The following MACROD2 variants were observed in gnomAD, a reference collection of about 807,000 sequenced individuals.
MACROD2 encodes the protein ADP-ribose glycohydrolase MACROD2.
MACROD2 carries 36 observed loss-of-function variants against 70.4 expected under a neutral mutation model. That is an observed-to-expected ratio of 0.51 (90% CI 0.39 to 0.68). MACROD2 has a LOEUF of 0.68. Among genes scored for constraint, MACROD2 ranks in the 30% least tolerant of loss-of-function variants. The pLI is 0.00. For synonymous variants in MACROD2, 172 were observed against 178.8 expected (o/e 0.96, Z 0.30); for missense variants, 496 against 538.4 (o/e 0.92, Z 0.78).
chr20:15,434,117 C>T (rs1308801622), intron 7 of MACROD2, among the ~76,000 whole-genome samples: 1 of 151,960 alleles, frequency 6.6e-6, no homozygotes, highest in East Asian at 1.9e-4. Context: ...TAGACACTGG[C>T]TTAGGCAAAG....
intron 9 of MACROD2, among the ~76,000 whole-genome samples, chr20:15,883,546 A>G (rs890772831): frequency 6.6e-6 from 1 of 152,020 alleles, no homozygotes; most frequent in Non-Finnish European, 1.5e-5. Flanking sequence ...CCTTTCTAAA[A>G]CCTCAAATGA....
At chr20:14,078,285 A>G (rs578219559) in intron 2 of MACROD2, among the ~76,000 whole-genome samples, 9 of 152,282 alleles carry the variant, frequency 5.9e-5, no homozygotes, top group Middle Eastern at 3.4e-3. Flanking sequence ...TGTGTTTTCT[A>G]TGTCATCTCC....
At chr20:14,228,571 A>G (rs1601375627) in intron 3 of MACROD2, among the ~76,000 whole-genome samples, 1 of 152,180 alleles carries the variant, frequency 6.6e-6, no homozygotes, top group Admixed American at 6.5e-5. Flanking sequence ...ATGGCTATCA[A>G]TGAAGAATTG....
intron 8 of MACROD2, among the ~76,000 whole-genome samples, chr20:15,747,483 C>T (rs1490986490): frequency 6.6e-6 from 1 of 152,116 alleles, no homozygotes; most frequent in Non-Finnish European, 1.5e-5. Context: ...TGTTTAATGC[C>T]AAACTAAATT....
At chr20:15,121,594 C>G (rs1207691745) in intron 5 of MACROD2, among the ~76,000 whole-genome samples, 1 of 151,954 alleles carries the variant, frequency 6.6e-6, no homozygotes, top group Non-Finnish European at 1.5e-5. Context: ...AGTGTAGTCC[C>G]CTGGAGTCTA....
intron 5 of MACROD2, among the ~76,000 whole-genome samples, chr20:15,128,787 C>G (rs1320037594): frequency 6.6e-6 from 1 of 151,792 alleles, no homozygotes; most frequent in Admixed American, 6.6e-5. Flanking sequence ...CATGTGTAGT[C>G]CTTTAAACTG....
chr20:14,158,204 T>C (rs1338492100), intron 3 of MACROD2, among the ~76,000 whole-genome samples: 2 of 152,150 alleles, frequency 1.3e-5, no homozygotes, highest in Non-Finnish European at 2.9e-5. Context: ...TTTCATATAC[T>C]TGTTGGTCAT....
At chr20:14,831,853 G>T (rs941642861) in intron 5 of MACROD2, among the ~76,000 whole-genome samples, 3 of 144,064 alleles carry the variant, frequency 2.1e-5, no homozygotes, top group Admixed American at 7.1e-5. Context: ...CCGAGTTGTT[G>T]TGAGTTTGTC....
intron 3 of MACROD2, among the ~76,000 whole-genome samples, chr20:14,380,448 T>C (rs1364121698): frequency 1.3e-5 from 2 of 152,082 alleles, no homozygotes; most frequent in Admixed American, 1.3e-4. Context: ...TTCTTTTTTG[T>C]GTGTGCTTTT....
chr20:14,968,566 T>C (rs1184131393), intron 5 of MACROD2, among the ~76,000 whole-genome samples: 1 of 152,198 alleles, frequency 6.6e-6, no homozygotes. Context: ...GTGATTCTCC[T>C]GTTGGCTTGG....
chr20:14,408,978 C>G (rs1339938172), intron 3 of MACROD2, among the ~76,000 whole-genome samples: 1 of 152,056 alleles, frequency 6.6e-6, no homozygotes, highest in African/African-American at 2.4e-5. Flanking sequence ...ACATATAGAG[C>G]CTTCACTCCT....
chr20:15,020,559 G>T (rs922782836), intron 5 of MACROD2, among the ~76,000 whole-genome samples: 9 of 152,042 alleles, frequency 5.9e-5, no homozygotes, highest in African/African-American at 2.2e-4. Context: ...TAATAATAGA[G>T]ATATGTCCTG....
chr20:14,445,648 GA>G (rs952259819), intron 3 of MACROD2, among the ~76,000 whole-genome samples: 5 of 151,856 alleles, frequency 3.3e-5, no homozygotes, highest in African/African-American at 9.7e-5. Flanking sequence ...CATGGCTTGG[GA>G]AAAAAAGACT....
At chr20:15,580,834 T>C (rs1395275063) in intron 8 of MACROD2, among the ~76,000 whole-genome samples, 1 of 152,044 alleles carries the variant, frequency 6.6e-6, no homozygotes, top group Non-Finnish European at 1.5e-5. Context: ...TTTAGATGAT[T>C]TGGGGGATTA....
chr20:15,516,621 T>C (rs2047571411), intron 8 of MACROD2, among the ~76,000 whole-genome samples: 1 of 152,134 alleles, frequency 6.6e-6, no homozygotes, highest in Non-Finnish European at 1.5e-5. Flanking sequence ...GAGGGCAGCC[T>C]GAATGTTTTT....
chr20:14,993,851 C>G (rs1042049584), intron 5 of MACROD2, among the ~76,000 whole-genome samples: 3 of 152,100 alleles, frequency 2.0e-5, no homozygotes, highest in East Asian at 3.8e-4. Flanking sequence ...TATAATCAAT[C>G]TTTATGAAAT....
chr20:15,320,437 A>G (rs2077862348), intron 6 of MACROD2, among the ~76,000 whole-genome samples: 1 of 152,190 alleles, frequency 6.6e-6, no homozygotes, highest in South Asian at 2.1e-4. Context: ...ACAAAAGTAA[A>G]CACAATACAT....
chr20:14,550,876 A>G (rs1978605877), intron 4 of MACROD2, among the ~76,000 whole-genome samples: 1 of 40,960 alleles, frequency 2.4e-5, no homozygotes. Context: ...TTTTATCAGT[A>G]GCAGTTTTTT....
intron 5 of MACROD2, among the ~76,000 whole-genome samples, chr20:14,746,186 C>T (rs1547297): frequency 0.048 from 7,340 of 152,230 alleles, 320 homozygotes; most frequent in East Asian, 0.18. Flanking sequence ...TAACCATTCA[C>T]GCCTCCCAGC....
Sources: allele counts gnomAD v4.1 joint callset (sites outside exome capture counted in the v4.1 genomes callset), GRCh38; gene constraint gnomAD v4.1.1; transcripts MANE v1.5; gene names NCBI Gene and HGNC (gene_info 2026-07-23, HGNC 2026-07-21).